The following TRPC4 variants were observed in gnomAD, a reference collection of about 807,000 sequenced individuals.
The protein encoded by TRPC4 is short transient receptor potential channel 4.
TRPC4 carries 49 observed loss-of-function variants against 99.4 expected under a neutral mutation model. The ratio of observed to expected loss-of-function variants is 0.49; its 90% CI spans 0.39 to 0.63. The LOEUF (loss-of-function observed/expected upper bound fraction) is 0.63, where lower values mean the gene tolerates loss of function less well. Among genes scored for constraint, TRPC4 ranks in the 20% least tolerant of loss-of-function variants. The probability of loss-of-function intolerance (pLI) is 0.00; values close to 1 mark genes in which losing one functional copy is unlikely to be tolerated. For missense variants in TRPC4, 898 were observed against 1,152.9 expected, an observed-to-expected ratio of 0.78 and a Z score of 3.20; for synonymous variants, 454 against 425.9, an observed-to-expected ratio of 1.07 and a Z score of -0.81.
At chr13:37,701,139 G>A (rs1428812312) in intron 3 of TRPC4, among the ~76,000 whole-genome samples, 2 of 151,912 alleles carry the variant, frequency 1.3e-5, no homozygotes, top group African/African-American at 4.8e-5. Context: ...ACATAAAAGA[G>A]CCAAAAAAGA....
chr13:37,797,516 C>T (rs556581130), intron 1 of TRPC4, among the ~76,000 whole-genome samples: 5 of 152,082 alleles, frequency 3.3e-5, no homozygotes, highest in Admixed American at 1.3e-4. Context: ...AAAACAGTAG[C>T]GAAAAAAGTA....
chr13:37,720,458 T>C (rs1954833355), intron 3 of TRPC4, among the ~76,000 whole-genome samples: 1 of 152,048 alleles, frequency 6.6e-6, no homozygotes, highest in Middle Eastern at 3.2e-3. Flanking sequence ...TTATTAGTAG[T>C]AGTAGTATTA....
intron 1 of TRPC4, among the ~76,000 whole-genome samples, chr13:37,786,706 G>A (rs1185507090): frequency 2.0e-5 from 3 of 151,944 alleles, no homozygotes; most frequent in Non-Finnish European, 2.9e-5. Context: ...CTTTGGAGGG[G>A]AAATGATTTC....
chr13:37,719,942 A>G (rs987259795), intron 3 of TRPC4, among the ~76,000 whole-genome samples: 1 of 152,150 alleles, frequency 6.6e-6, no homozygotes, highest in Admixed American at 6.6e-5. Context: ...TAACAGAAAA[A>G]TTATTCTGGA....
intron 2 of TRPC4, 101 bp from the exon 3 acceptor site, chr13:37,746,556 T>C: frequency 7.8e-7 from 1 of 1,282,272 alleles, no homozygotes; most frequent in Non-Finnish European, 1.0e-6. Flanking sequence ...GGTTTATATG[T>C]CCTTGGCCGG....
At chr13:37,835,693 C>T (rs1394952739) in intron 1 of TRPC4, among the ~76,000 whole-genome samples, 2 of 152,096 alleles carry the variant, frequency 1.3e-5, no homozygotes, top group African/African-American at 4.8e-5. Context: ...AGGAAGATAA[C>T]AAATGTTTTG....
intron 5 of TRPC4, among the ~76,000 whole-genome samples, chr13:37,671,245 A>C (rs569840428): frequency 6.6e-6 from 1 of 152,334 alleles, no homozygotes; most frequent in South Asian, 2.1e-4. Context: ...ATAATAATTT[A>C]TAAGTTATTA....
chr13:37,710,605 A>G (rs1404677508), intron 3 of TRPC4, among the ~76,000 whole-genome samples: 1 of 151,952 alleles, frequency 6.6e-6, no homozygotes, highest in African/African-American at 2.4e-5. Flanking sequence ...GAATATTAAT[A>G]TAAAGTAACA....
chr13:37,812,067 T>G (rs2139480234), intron 1 of TRPC4, among the ~76,000 whole-genome samples: 1 of 149,408 alleles, frequency 6.7e-6, no homozygotes, highest in South Asian at 2.2e-4. Context: ...TAGTCCCAAC[T>G]ACTTGGGAGG....
At chr13:37,775,318 A>G (rs1383827856) in intron 2 of TRPC4, among the ~76,000 whole-genome samples, 2 of 151,728 alleles carry the variant, frequency 1.3e-5, no homozygotes, top group Non-Finnish European at 2.9e-5. Context: ...TGCTCTTTCA[A>G]TGCTAGGCAT....
chr13:37,691,875 G>C (rs1275370949), intron 4 of TRPC4, 124 bp downstream of exon 4: 1 of 936,958 alleles, frequency 1.1e-6, no homozygotes. Flanking sequence ...GGTTCTTGGA[G>C]CTACAATAGT....
intron 6 of TRPC4, among the ~76,000 whole-genome samples, chr13:37,659,417 A>G (rs1952356059): frequency 6.6e-6 from 1 of 152,126 alleles, no homozygotes; most frequent in Non-Finnish European, 1.5e-5. Flanking sequence ...TGCTTCTTAT[A>G]GAGTGTGCAG....
intron 7 of TRPC4, among the ~76,000 whole-genome samples, chr13:37,653,313 A>C (rs1225242687): frequency 1.3e-5 from 2 of 152,126 alleles, no homozygotes; most frequent in Non-Finnish European, 2.9e-5. Context: ...GTTGGGGCCT[A>C]CATAAGTGCT....
intron 1 of TRPC4, among the ~76,000 whole-genome samples, chr13:37,865,099 A>C (rs1959649230): frequency 6.6e-6 from 1 of 151,764 alleles, no homozygotes; most frequent in South Asian, 2.1e-4. Context: ...TGTCAGCGCA[A>C]ATGCATATAT....
intron 1 of TRPC4, among the ~76,000 whole-genome samples, chr13:37,823,880 G>A (rs1023285879): frequency 3.3e-5 from 5 of 150,458 alleles, no homozygotes; most frequent in African/African-American, 1.2e-4. Context: ...CCATTTTCAT[G>A]ATATTGATTC....
chr13:37,731,434 C>G (rs9603252), intron 3 of TRPC4, among the ~76,000 whole-genome samples: 2,512 of 151,774 alleles, frequency 0.017, 30 homozygotes, highest in Non-Finnish European at 0.024. Flanking sequence ...AAGTGCTAGA[C>G]AGAGACATAT....
chr13:37,679,770 T>C (rs1953175340), intron 4 of TRPC4, among the ~76,000 whole-genome samples: 2 of 152,186 alleles, frequency 1.3e-5, no homozygotes, highest in Non-Finnish European at 2.9e-5. Context: ...GGGACATAAT[T>C]GGGAAAATGA....
chr13:37,820,508 T>C (rs1483064252), intron 1 of TRPC4, among the ~76,000 whole-genome samples: 1 of 152,030 alleles, frequency 6.6e-6, no homozygotes. Context: ...CAGTTCAATA[T>C]CCTTGTCAAA....
intron 1 of TRPC4, among the ~76,000 whole-genome samples, chr13:37,841,395 TA>T (rs1457557672): frequency 6.6e-6 from 1 of 151,992 alleles, no homozygotes; most frequent in African/African-American, 2.4e-5. Context: ...AAAAGTGGTG[TA>T]AAAGAACAAA....
Sources: allele counts gnomAD v4.1 joint callset (sites outside exome capture counted in the v4.1 genomes callset), GRCh38; gene constraint gnomAD v4.1.1; transcripts MANE v1.5; gene names NCBI Gene and HGNC (gene_info 2026-07-23, HGNC 2026-07-21).